Variants in ANO7 observed in about 807,000 individuals in gnomAD.
ANO7 encodes the protein anoctamin 7, also known as anoctamin-7.
In ANO7, 114 loss-of-function variants were observed where a neutral mutation model predicts 115.8. The ratio of observed to expected loss-of-function variants is 0.98; its 90% CI spans 0.85 to 1.15. The LOEUF (loss-of-function observed/expected upper bound fraction) is 1.15. Among genes scored for constraint, ANO7 ranks in the 50% most tolerant of loss-of-function variants. The pLI, the probability that ANO7 is intolerant of heterozygous loss-of-function variation, is 0.00. For missense variants in ANO7, 1,302 were observed against 1,201.2 expected (o/e 1.08, Z -1.24); for synonymous variants, 550 against 498.2 (o/e 1.10, Z -1.38).
intron 9 of ANO7, among the ~76,000 whole-genome samples, chr2:241,204,603 C>T (rs2068547732): frequency 6.6e-6 from 1 of 152,108 alleles, no homozygotes; most frequent in African/African-American, 2.4e-5. Context: ...GGTGGAGAGC[C>T]TGGTGGGCTG....
the ANO7 span, chr2:241,233,835 C>T: frequency 3.6e-5 from 58 of 1,614,036 alleles, no homozygotes; most frequent in Non-Finnish European, 4.8e-5. The surrounding 1 kb of genome is among the most constrained non-coding windows in gnomAD (Gnocchi z 4.3). Context: ...TCCCATCGTC[C>T]TTATCAGGAA....
intron 8 of ANO7, 80 bp downstream of exon 8, chr2:241,202,384 G>C: frequency 7.4e-7 from 1 of 1,344,554 alleles, no homozygotes; most frequent in Non-Finnish European, 1.0e-6. Flanking sequence ...AGGGAGGCGG[G>C]TGTGGGGCAG....
At chr2:241,192,329 G>GA (rs1033533417) in intron 3 of ANO7, among the ~76,000 whole-genome samples, 11 of 149,418 alleles carry the variant, frequency 7.4e-5, no homozygotes, top group African/African-American at 2.2e-4. Context: ...CCATCTCCAA[G>GA]AAAAAAAAAA....
At chr2:241,205,017 G>A (rs997706760) in intron 10 of ANO7, 62 bp downstream of exon 10, 71 of 1,477,472 alleles carry the variant, frequency 4.8e-5, no homozygotes, top group South Asian at 2.2e-4. Context: ...GGTGTGGGGC[G>A]GGGGGACCCC....
At chr2:241,217,922 CGGGGGCGCGCAGGGGCGGGGGCGGG>C (rs2068878589) in intron 20 of ANO7, 31 bp downstream of exon 20, 1 of 534,298 alleles carries the variant, frequency 1.9e-6, no homozygotes, top group Non-Finnish European at 2.7e-6. Context: ...CGGGGCGGGG[CGGGGGCGCGCAGGGGCGGGGGCGGG>C]GGGGGCAGCG....
At chr2:241,205,282 ACAGGTAGTCAGGAGTGCTCCCAGGCTGG>A (rs938353587) in intron 10 of ANO7, among the ~76,000 whole-genome samples, 2 of 142,784 alleles carry the variant, frequency 1.4e-5, no homozygotes, top group Non-Finnish European at 3.0e-5. Flanking sequence ...TCCCAGGCTG[ACAGGTAGTCAGGAGTGCTCCCAGGCTGG>A]CACCGGTGGA....
At chr2:241,229,751 G>A (rs777924331), downstream of ANO7, 9 of 1,607,066 alleles carry the variant, frequency 5.6e-6, no homozygotes, top group Non-Finnish European at 7.7e-6. Context: ...AGCTTCCGAC[G>A]CAGTTGCCAC....
chr2:241,235,066 T>A, the ANO7 span: 1 of 1,588,388 alleles, frequency 6.3e-7, no homozygotes, highest in Non-Finnish European at 8.6e-7. Context: ...TTCTGACATG[T>A]GCCCAAAGCT....
chr2:241,200,146 CCCAACGT>C lies in ANO7; in HGVS notation c.478_484del (p.Asn160CysfsTer19). ...CGGCCTGCTGGCATGGCTGGGCATCCCCAACGTCCTGCTGGAGGTTGTGCCAGACGTA... is the reference window on the plus strand; with the variant it reads ...CGGCCTGCTGGCATGGCTGGGCATCCCCTGCTGGAGGTTGTGCCAGACGTA... On this transcript the variant is annotated frameshift_variant, in exon 6 of 25. Coordinates refer to ENST00000674324, the MANE Select transcript of ANO7 (RefSeq NM_001370694.2). LOFTEE classifies it high-confidence loss of function. 6.2e-7 allele frequency: 1 copy of C among 1,613,264 alleles called. No homozygotes were observed. The highest frequency in any genetic ancestry group is 1.1e-5 in the South Asian group (1 of 91,070).
intron 11 of ANO7, among the ~76,000 whole-genome samples, chr2:241,208,171 C>T (rs1032300938): frequency 6.6e-6 from 1 of 152,234 alleles, no homozygotes; most frequent in African/African-American, 2.4e-5. Context: ...GACCCAGAGC[C>T]CTTGGCACTA....
At chr2:241,194,640 C>G (rs2871577) in intron 3 of ANO7, among the ~76,000 whole-genome samples, 117,970 of 152,180 alleles carry the variant, frequency 0.78, 46,141 homozygotes, top group East Asian at 0.9. Flanking sequence ...TGTAAAAGAG[C>G]GAGACAGAAT....
At chr2:241,231,232 A>G in the ANO7 span, 2 of 300,692 alleles carry the variant, frequency 6.7e-6, no homozygotes, top group Non-Finnish European at 1.3e-5. Flanking sequence ...TAAAAATACA[A>G]TATTAGCCGG....
intron 21 of ANO7, among the ~76,000 whole-genome samples, chr2:241,220,855 C>G (rs2068994868): frequency 6.6e-6 from 1 of 150,918 alleles, no homozygotes; most frequent in Non-Finnish European, 1.5e-5. Flanking sequence ...CCTGTAATCT[C>G]AGCTGCTCTG....
intron 22 of ANO7, 82 bp downstream of exon 22, chr2:241,223,358 G>C (rs761556738): frequency 1.4e-6 from 2 of 1,473,200 alleles, no homozygotes; most frequent in Middle Eastern, 1.7e-4. Context: ...CACGTGGTGA[G>C]GGGTCGGTGC....
At position 241,224,946 on chromosome 2, in the gene ANO7, C is replaced by G. The variant is rs1199566511; in HGVS notation, c.*793C>G. On this transcript the variant is annotated 3_prime_UTR_variant, in exon 25 of 25. Coordinates refer to ENST00000674324, the MANE Select transcript of ANO7 (RefSeq NM_001370694.2). ...TTGGGGCCTAGTACCCAGCAAGCAC[C>G]CAAATGGGGGAGGTTTTGGGATGAG... 1 of 152,256 alleles carries G rather than the reference C, an allele frequency of 6.6e-6. No individual in the cohort carries two copies. Among genetic ancestry groups the G allele is most frequent in the African/African-American group, 2.4e-5 (1 of 41,460 alleles). 9.4% of individuals were successfully genotyped at this position (152,256 alleles called of 1,614,324 possible). A position where few individuals can be genotyped will look rare whatever the true frequency, so the allele number is the denominator to read the frequency against.
rs756393251 is a variant in ANO7, at chr2:241,209,273, T to C, written c.1078-12T>C. ...CCCAAGCAAGTCTGGACGCCCCCGC[T>C]CCCTGCCACAGGCCGGCCGGCTGTT... is the stretch of plus-strand genomic sequence containing the variant. On this transcript the variant is annotated splice_polypyrimidine_tract_variant and intron_variant, in intron 11 of 24. Coordinates refer to ENST00000674324, the MANE Select transcript of ANO7 (RefSeq NM_001370694.2). 9 of 1,548,002 alleles carry C rather than the reference T, an allele frequency of 5.8e-6. No homozygotes were observed. Among genetic ancestry groups the C allele is most frequent in the Non-Finnish European group, 7.8e-6 (9 of 1,147,264 alleles).
chr2:241,200,122 G>A lies in ANO7; in HGVS notation c.451G>A (p.Gly151Ser), dbSNP rs373524213. ...LPNQASNWSA[G>S]LLAWLGIPNV... ...CAACCAGGCCTCCAACTGGTCGGCC[G>A]GCCTGCTGGCATGGCTGGGCATCCC... Residue 151 changes from glycine (G) to serine (S), a missense_variant, in exon 6 of 25, where the codon GGC becomes AGC. By Grantham distance (56) the Gly-to-Ser change is moderately conservative. Transcript: ENST00000674324. The A allele has an allele frequency of 2.2e-4, 362 of 1,612,958 alleles. 1 individual carries two copies. In the Middle Eastern group the frequency reaches 3.5e-3, roughly 15 times the overall value.
At chr2:241,238,645 C>A in the ANO7 span, 1 of 1,553,502 alleles carries the variant, frequency 6.4e-7, no homozygotes, top group Non-Finnish European at 8.8e-7. The surrounding 1 kb of genome is among the most constrained non-coding windows in gnomAD (Gnocchi z 4.9). Flanking sequence ...AATGGGGGAC[C>A]CACCTGCGTT....
At chr2:241,205,033 G>A (rs1204924343) in intron 10 of ANO7, 78 bp downstream of exon 10, 7 of 1,252,760 alleles carry the variant, frequency 5.6e-6, no homozygotes, top group Non-Finnish European at 7.0e-6. Context: ...ACCCCTAGGT[G>A]CTAGGTCCTG....
Sources: allele counts gnomAD v4.1 joint callset (sites outside exome capture counted in the v4.1 genomes callset), GRCh38; gene constraint gnomAD v4.1.1; non-coding constraint Gnocchi (gnomAD v3.1); transcripts MANE v1.5; gene names NCBI Gene and HGNC (gene_info 2026-07-23, HGNC 2026-07-21).